Variants in ADAMTS17 observed in about 807,000 individuals in gnomAD.
ADAMTS17 encodes ADAM metallopeptidase with thrombospondin type 1 motif 17, also known as A disintegrin and metalloproteinase with thrombospondin motifs 17.
In ADAMTS17, 113 loss-of-function variants were observed where a neutral mutation model predicts 141.5. The ratio of observed to expected loss-of-function variants is 0.80; its 90% CI spans 0.69 to 0.93. The LOEUF (loss-of-function observed/expected upper bound fraction) is 0.93. Ranked by LOEUF, ADAMTS17 falls within the 40% of genes least tolerant of loss-of-function variation. ADAMTS17 has a pLI of 0.00. For missense variants in ADAMTS17, 1,659 were observed against 1,517.9 expected, an observed-to-expected ratio of 1.09 and a Z score of -1.54; for synonymous variants, 768 against 630.6, an observed-to-expected ratio of 1.22 and a Z score of -3.27.
intron 20 of ADAMTS17, among the ~76,000 whole-genome samples, chr15:99,988,243 T>A (rs1215534923): frequency 6.6e-6 from 1 of 151,764 alleles, no homozygotes; most frequent in Non-Finnish European, 1.5e-5. Flanking sequence ...CGGGCACGAG[T>A]CCCTCAGGAA....
chr15:100,161,282 C>A (rs1596146209), intron 8 of ADAMTS17, among the ~76,000 whole-genome samples: 1 of 152,230 alleles, frequency 6.6e-6, no homozygotes, highest in Admixed American at 6.5e-5. Context: ...CTAGACGGAA[C>A]CTCTGCCACT....
rs1197821129 is a variant in ADAMTS17 at position 100,341,147 on chromosome 15, C to G, written c.342G>C (p.Ala114=). 1 of 1,445,098 alleles carries G rather than the reference C, an allele frequency of 6.9e-7. No homozygotes were observed. Among genetic ancestry groups the G allele is most frequent in the South Asian group, 1.3e-5 (1 of 75,136 alleles). The allele number at this position is 1,445,098 out of a possible 1,614,324, so 89.5% of individuals were successfully genotyped here. ...SRGFEVEEAG[A]ARRRGRPAEL... ...CGGCGGGGCGGCCGCGGCGCCGGGC[C>G]GCGCCCGCCTCCTCCACCTCGAAGC... The change falls in exon 2 of 22, where the codon GCG becomes GCC. Residue 114 remains alanine, a synonymous_variant. Transcript: ENST00000268070.
intron 3 of ADAMTS17, among the ~76,000 whole-genome samples, chr15:100,327,346 T>C (rs1245953610): frequency 1.3e-5 from 2 of 152,234 alleles, no homozygotes; most frequent in East Asian, 3.8e-4. Flanking sequence ...ACCACAATGA[T>C]TTTTTGAAAC....
intron 7 of ADAMTS17, among the ~76,000 whole-genome samples, chr15:100,218,932 T>C (rs2042050761): frequency 6.6e-6 from 1 of 152,210 alleles, no homozygotes; most frequent in Non-Finnish European, 1.5e-5. Flanking sequence ...CACGTCCATC[T>C]ACACATGCAT....
At chr15:100,315,387 C>T (rs11858524) in intron 3 of ADAMTS17, among the ~76,000 whole-genome samples, 70,253 of 151,656 alleles carry the variant, frequency 0.46, 17,764 homozygotes, top group African/African-American at 0.66. Flanking sequence ...GGTGATCGGC[C>T]GATCTCAAGG....
At chr15:100,046,615 A>G (rs8042402) in intron 18 of ADAMTS17, among the ~76,000 whole-genome samples, 52,729 of 152,082 alleles carry the variant, frequency 0.35, 10,677 homozygotes, top group African/African-American at 0.55. Context: ...TTAGTTCCCC[A>G]AATAAATACT....
intron 5 of ADAMTS17, 49 bp downstream of exon 5, chr15:100,262,303 A>T: frequency 6.4e-7 from 1 of 1,555,754 alleles, no homozygotes; most frequent in Non-Finnish European, 8.9e-7. Flanking sequence ...GAGAAGCTCC[A>T]GCCCAGCCAC....
chr15:100,259,188 A>G (rs1361912076), intron 6 of ADAMTS17, among the ~76,000 whole-genome samples: 4 of 152,234 alleles, frequency 2.6e-5, no homozygotes, highest in Non-Finnish European at 5.9e-5. Context: ...CGTTGTTTAG[A>G]GTTCCTCTCT....
intron 7 of ADAMTS17, among the ~76,000 whole-genome samples, chr15:100,250,178 A>T (rs1012336522): frequency 6.6e-6 from 1 of 152,268 alleles, no homozygotes; most frequent in African/African-American, 2.4e-5. Flanking sequence ...AGCATAAATT[A>T]AAAATCCATC....
intron 7 of ADAMTS17, among the ~76,000 whole-genome samples, chr15:100,219,544 CA>C: frequency 6.6e-6 from 1 of 152,152 alleles, no homozygotes; most frequent in Non-Finnish European, 1.5e-5. Context: ...TTATCGTCCT[CA>C]GATAGGGCTT....
chr15:100,335,247 C>T (rs2046173623), intron 2 of ADAMTS17, among the ~76,000 whole-genome samples: 2 of 152,182 alleles, frequency 1.3e-5, no homozygotes, highest in Admixed American at 6.5e-5. Flanking sequence ...CAAATGCCTT[C>T]GGTTGGCACC....
chr15:100,241,933 A>C (rs1056185535), intron 7 of ADAMTS17, among the ~76,000 whole-genome samples: 6 of 152,216 alleles, frequency 3.9e-5, no homozygotes, highest in African/African-American at 1.4e-4. Context: ...TCTCTGGTAG[A>C]GCAGCCCAAA....
chr15:100,111,477 C>A (rs1338015588), intron 13 of ADAMTS17, among the ~76,000 whole-genome samples: 1 of 152,262 alleles, frequency 6.6e-6, no homozygotes, highest in Non-Finnish European at 1.5e-5. Flanking sequence ...TTGACAGGGT[C>A]ACTGAGGTAC....
rs1448235895 is a variant in ADAMTS17 at position 99,974,299 on chromosome 15, C to G, written c.*103G>C. Reference sequence around the variant, plus strand: ...CGCTCATGTTCTATGTAGTTGGATTCTTGTGGCAGCCGGGTGGGGGCGTGG... The same window carrying G: ...CGCTCATGTTCTATGTAGTTGGATTGTTGTGGCAGCCGGGTGGGGGCGTGG... On this transcript the variant is annotated 3_prime_UTR_variant, in exon 22 of 22. Coordinates refer to ENST00000268070, the MANE Select transcript of ADAMTS17 (RefSeq NM_139057.4). The G allele has an allele frequency of 6.7e-6, 10 of 1,494,872 alleles. No homozygotes were observed. The African/African-American group carries it at 9.7e-5, about 14-fold the overall frequency. The allele number at this position is 1,494,872 out of a possible 1,614,324, so 92.6% of individuals were successfully genotyped here.
intron 4 of ADAMTS17, among the ~76,000 whole-genome samples, chr15:100,272,934 T>C (rs952024536): frequency 6.6e-6 from 1 of 152,142 alleles, no homozygotes; most frequent in African/African-American, 2.4e-5. Context: ...ATTCTTTTCC[T>C]GTATAAATTG....
In ADAMTS17 at chr15:99,974,398, C is replaced by T. The variant is rs200989311; in HGVS notation, c.*4G>A. ...GAGCTTTGAGCGACCCTTGGGACTG[C>T]GTGTCACGAGTTCGGCGGTGGCTGG... On this transcript the variant is annotated 3_prime_UTR_variant, in exon 22 of 22. Transcript: ENST00000268070. 1.1e-4 allele frequency: 180 copies of T among 1,614,098 alleles called. 1 individual carries two copies. Among genetic ancestry groups the T allele is most frequent in the African/African-American group, 5.7e-4 (43 of 75,068 alleles).
intron 15 of ADAMTS17, among the ~76,000 whole-genome samples, chr15:100,086,139 G>A (rs1333677541): frequency 1.3e-5 from 2 of 152,038 alleles, no homozygotes; most frequent in Non-Finnish European, 2.9e-5. Flanking sequence ...TCAAAATAAA[G>A]GGATGAAGGA....
chr15:100,274,803 T>C lies in ADAMTS17; in HGVS notation c.789+6426A>G, dbSNP rs77968360. On this transcript the variant is annotated intron_variant, in intron 4 of 21. Transcript: ENST00000268070. ...TTAGCTGATTTGATTTTCTTTTATA[T>C]GTATACATATATTTTTTTTTGGTAG... 7.5e-3 allele frequency among the ~76,000 whole-genome samples: 1,147 copies of C among 152,264 alleles called. 10 individuals are homozygous for C. Among genetic ancestry groups the C allele is most frequent in the African/African-American group, 0.023 (941 of 41,550 alleles).
intron 7 of ADAMTS17, among the ~76,000 whole-genome samples, chr15:100,214,659 C>T (rs1396110036): frequency 5.3e-5 from 8 of 152,194 alleles, no homozygotes; most frequent in Non-Finnish European, 1.2e-4. Flanking sequence ...TACTGCTGAC[C>T]TGGCCATGCT....
Sources: gnomAD v4.1 joint callset for allele counts (sites outside exome capture counted in the v4.1 genomes callset) on GRCh38, gnomAD v4.1.1 for gene constraint, MANE v1.5 for transcripts, NCBI Gene and HGNC (gene_info 2026-07-23, HGNC 2026-07-21) for gene names.